The following TMEM71 variants were observed in gnomAD, a reference collection of about 807,000 sequenced individuals.
TMEM71 encodes the protein transmembrane protein 71.
In TMEM71, 44 loss-of-function variants were observed where a neutral mutation model predicts 38.0. The ratio of observed to expected loss-of-function variants is 1.16; its 90% CI spans 0.91 to 1.49. TMEM71 has a LOEUF of 1.49. Among genes scored for constraint, TMEM71 ranks in the 40% most tolerant of loss-of-function variants. The probability of loss-of-function intolerance (pLI) is 0.00; values close to 1 mark genes in which losing one functional copy is unlikely to be tolerated. For synonymous variants in TMEM71, 133 were observed against 122.5 expected (o/e 1.09, Z -0.56); for missense variants, 367 against 348.6 (o/e 1.05, Z -0.42).
chr8:132,734,634 A>G (rs911198352), intron 5 of TMEM71, among the ~76,000 whole-genome samples: 46 of 152,202 alleles, frequency 3.0e-4, no homozygotes, highest in African/African-American at 1.0e-3. Flanking sequence ...GAGAAACCAC[A>G]AAAAAGTCTT....
chr8:132,726,146 AG>A (rs2131054397), intron 6 of TMEM71, among the ~76,000 whole-genome samples: 1 of 152,122 alleles, frequency 6.6e-6, no homozygotes, highest in Non-Finnish European at 1.5e-5. Context: ...CCTGGGAGCT[AG>A]GGGAGCACCA....
intron 5 of TMEM71, among the ~76,000 whole-genome samples, chr8:132,739,855 T>C (rs1028080057): frequency 2.0e-5 from 3 of 152,190 alleles, no homozygotes; most frequent in Non-Finnish European, 4.4e-5. Context: ...GCAAATCTTG[T>C]TGAGTCTACC....
downstream of TMEM71, among the ~76,000 whole-genome samples, chr8:132,708,805 A>G (rs894536075): frequency 1.3e-5 from 2 of 152,252 alleles, no homozygotes; most frequent in Non-Finnish European, 2.9e-5. Flanking sequence ...AGATGTCTAA[A>G]GTCAGAAAAG....
intron 1 of TMEM71, chr8:132,759,523 C>T (rs563553997): frequency 7.9e-5 from 12 of 152,302 alleles, no homozygotes; most frequent in African/African-American, 2.4e-4. Flanking sequence ...CCCATGAAGA[C>T]ATGATTTAAT....
At chr8:132,736,874 CACA>C (rs1243616920) in intron 5 of TMEM71, among the ~76,000 whole-genome samples, 5 of 151,964 alleles carry the variant, frequency 3.3e-5, no homozygotes, top group African/African-American at 7.3e-5. Context: ...TAAATGTTCT[CACA>C]ACAACAATAA....
At chr8:132,772,730 T>A in the TMEM71 span, among the ~76,000 whole-genome samples, 1 of 152,130 alleles carries the variant, frequency 6.6e-6, no homozygotes, top group African/African-American at 2.4e-5. Flanking sequence ...ATGAAAATAA[T>A]TCATAAAAAT....
chr8:132,721,654 C>A (rs1356792619), intron 7 of TMEM71, among the ~76,000 whole-genome samples: 1 of 150,804 alleles, frequency 6.6e-6, no homozygotes, highest in Non-Finnish European at 1.5e-5. Context: ...TCAAGCAATT[C>A]TCCTGCCTCA....
At chr8:132,712,285 G>A (rs1826276989) in intron 9 of TMEM71, among the ~76,000 whole-genome samples, 1 of 152,084 alleles carries the variant, frequency 6.6e-6, no homozygotes, top group African/African-American at 2.4e-5. Context: ...TCAAAGAAAG[G>A]ATCTCCTTCC....
intron 4 of TMEM71, among the ~76,000 whole-genome samples, chr8:132,750,831 C>T (rs1828667878): frequency 6.6e-6 from 1 of 152,184 alleles, no homozygotes; most frequent in Admixed American, 6.5e-5. Flanking sequence ...GTTGACAGAA[C>T]CCGAGTCCTA....
chr8:132,772,361 T>C, the TMEM71 span, among the ~76,000 whole-genome samples: 1 of 152,170 alleles, frequency 6.6e-6, no homozygotes, highest in East Asian at 1.9e-4. Flanking sequence ...CTTTCTATAT[T>C]TGGAGATGGA....
chr8:132,726,166 G>A (rs1827129781), intron 6 of TMEM71, among the ~76,000 whole-genome samples: 1 of 152,092 alleles, frequency 6.6e-6, no homozygotes, highest in Non-Finnish European at 1.5e-5. Flanking sequence ...CAAGAAGGGT[G>A]GGCTCCCTGG....
intron 4 of TMEM71, 125 bp from the exon 5 acceptor site, chr8:132,747,239 T>C (rs964902187): frequency 2.4e-6 from 2 of 839,108 alleles, no homozygotes; most frequent in Non-Finnish European, 1.7e-6. Flanking sequence ...CTACAAAAGT[T>C]TCTCAAAATT....
intron 5 of TMEM71, 78 bp from the exon 6 acceptor site, chr8:132,728,064 A>G: frequency 9.1e-7 from 1 of 1,104,396 alleles, no homozygotes; most frequent in South Asian, 1.5e-5. Flanking sequence ...TGACTGCTCA[A>G]TGCACAGTTA....
In TMEM71 at chr8:132,727,995, G is replaced by A; in HGVS notation, c.488-9C>T. The A allele has an allele frequency of 6.3e-7, 1 of 1,595,490 alleles. No homozygotes were observed. Among genetic ancestry groups the A allele is most frequent in the South Asian group, 1.1e-5 (1 of 88,898 alleles). On this transcript the variant is annotated splice_polypyrimidine_tract_variant and intron_variant, in intron 5 of 9. Coordinates refer to ENST00000677595, the MANE Select transcript of TMEM71 (RefSeq NM_001382403.1). ...ACAGTCTAAATCATCTGCTGAAAAAGCAGAGGGGTTCAGTGTGAGTGTGTG... is the reference window on the plus strand; with the variant it reads ...ACAGTCTAAATCATCTGCTGAAAAAACAGAGGGGTTCAGTGTGAGTGTGTG...
At chr8:132,732,354 G>A (rs1433892877) in intron 5 of TMEM71, among the ~76,000 whole-genome samples, 3 of 152,272 alleles carry the variant, frequency 2.0e-5, no homozygotes, top group African/African-American at 7.2e-5. Context: ...GAGAGGAAGA[G>A]AGTAAGTGGG....
chr8:132,707,831 GT>G (rs1207622053), downstream of TMEM71, among the ~76,000 whole-genome samples: 5 of 152,250 alleles, frequency 3.3e-5, no homozygotes, highest in East Asian at 7.7e-4. Flanking sequence ...AACAATACAA[GT>G]TTTTAAAAAC....
At chr8:132,772,985 A>G in the TMEM71 span, among the ~76,000 whole-genome samples, 7 of 152,340 alleles carry the variant, frequency 4.6e-5, no homozygotes, top group South Asian at 1.4e-3. Flanking sequence ...TACATTACAC[A>G]GTTGCTTCAT....
chr8:132,730,272 A>T, intron 5 of TMEM71, among the ~76,000 whole-genome samples: 1 of 152,136 alleles, frequency 6.6e-6, no homozygotes, highest in South Asian at 2.1e-4. Flanking sequence ...GTTAAAATTT[A>T]TACTAACCTG....
chr8:132,712,096 T>C (rs1323779906), intron 9 of TMEM71, among the ~76,000 whole-genome samples: 1 of 152,174 alleles, frequency 6.6e-6, no homozygotes, highest in Non-Finnish European at 1.5e-5. Context: ...TTAATGAATA[T>C]GTACAGAGTA....
Sources: gnomAD v4.1 joint callset for allele counts (sites outside exome capture counted in the v4.1 genomes callset) on GRCh38, gnomAD v4.1.1 for gene constraint, MANE v1.5 for transcripts, NCBI Gene and HGNC (gene_info 2026-07-23, HGNC 2026-07-21) for gene names.